Variants in LOC400499 observed in about 807,000 individuals in gnomAD.
At chr16:11,455,741 GAA>G in the LOC400499 span, among the ~76,000 whole-genome samples, 1 of 131,746 alleles carries the variant, frequency 7.6e-6, no homozygotes, top group African/African-American at 2.8e-5. Context: ...TCTCAAAAAA[GAA>G]AAAAAAAAAA....
the LOC400499 span, among the ~76,000 whole-genome samples, chr16:11,441,570 G>C: frequency 6.6e-6 from 1 of 152,208 alleles, no homozygotes; most frequent in East Asian, 1.9e-4. Context: ...CTGTCAATAT[G>C]TGACCTTTCA....
At chr16:11,433,901 C>T in the LOC400499 span, among the ~76,000 whole-genome samples, 1 of 152,152 alleles carries the variant, frequency 6.6e-6, no homozygotes, top group South Asian at 2.1e-4. Context: ...AAATCATATC[C>T]TCTATAATCA....
chr16:11,518,788 T>C, the LOC400499 span: 1 of 397,898 alleles, frequency 2.5e-6, no homozygotes, highest in Non-Finnish European at 4.4e-6. Context: ...TAACCAATTG[T>C]CCTAATCTAA....
At chr16:11,506,998 T>A in the LOC400499 span, among the ~76,000 whole-genome samples, 1 of 152,154 alleles carries the variant, frequency 6.6e-6, no homozygotes, top group Non-Finnish European at 1.5e-5. Flanking sequence ...ACTTCCTTTT[T>A]TTCAATGCTG....
At chr16:11,474,217 C>G in the LOC400499 span, among the ~76,000 whole-genome samples, 1 of 152,194 alleles carries the variant, frequency 6.6e-6, no homozygotes, top group Non-Finnish European at 1.5e-5. Flanking sequence ...CTCAGCTCTG[C>G]TGTTGTGGGA....
the LOC400499 span, among the ~76,000 whole-genome samples, chr16:11,379,027 G>C: frequency 6.6e-6 from 1 of 152,180 alleles, no homozygotes. Context: ...ACTTTAGGAG[G>C]CCAAGATGGG....
chr16:11,433,168 C>A, the LOC400499 span, among the ~76,000 whole-genome samples: 2 of 152,194 alleles, frequency 1.3e-5, no homozygotes, highest in Non-Finnish European at 2.9e-5. Flanking sequence ...GCCCACAAAG[C>A]TGAAAATATT....
the LOC400499 span, among the ~76,000 whole-genome samples, chr16:11,454,511 A>G: frequency 0.19 from 29,566 of 152,160 alleles, 4,722 homozygotes; most frequent in African/African-American, 0.41. Flanking sequence ...AGAATGCCAC[A>G]TGACAAAAGA....
chr16:11,382,144 G>C, the LOC400499 span, among the ~76,000 whole-genome samples: 1 of 151,374 alleles, frequency 6.6e-6, no homozygotes, highest in Admixed American at 6.6e-5. Context: ...CGCCATGTTG[G>C]CCAGGCTGGT....
At chr16:11,429,859 T>C in the LOC400499 span, among the ~76,000 whole-genome samples, 6 of 151,866 alleles carry the variant, frequency 4.0e-5, no homozygotes, top group Admixed American at 6.6e-5. Flanking sequence ...CAGACAAGCA[T>C]CATCAGTGGG....
the LOC400499 span, among the ~76,000 whole-genome samples, chr16:11,383,447 A>G: frequency 7.1e-4 from 108 of 152,202 alleles, no homozygotes; most frequent in African/African-American, 2.6e-3. Flanking sequence ...GGAGGGCACT[A>G]GGCCATCCAT....
At chr16:11,385,531 G>A in the LOC400499 span, 3 of 662,274 alleles carry the variant, frequency 4.5e-6, no homozygotes. Context: ...AGCCTGCCCT[G>A]AGGCCTGGAT....
chr16:11,462,499 G>A, the LOC400499 span: 1 of 923,578 alleles, frequency 1.1e-6, no homozygotes. Flanking sequence ...GTGGAATCCT[G>A]GCTCGCTGCA....
At chr16:11,382,881 G>T in the LOC400499 span, among the ~76,000 whole-genome samples, 370 of 152,192 alleles carry the variant, frequency 2.4e-3, no homozygotes, top group African/African-American at 8.3e-3. Flanking sequence ...AGCTTAGTAG[G>T]GGGTAGGGAA....
At chr16:11,399,904 G>A in the LOC400499 span, 1 of 398,200 alleles carries the variant, frequency 2.5e-6, no homozygotes, top group African/African-American at 2.1e-5. Context: ...CATCTCTGTT[G>A]GGAAATGAGA....
At chr16:11,476,074 C>G in the LOC400499 span, among the ~76,000 whole-genome samples, 9 of 150,800 alleles carry the variant, frequency 6.0e-5, no homozygotes, top group Non-Finnish European at 8.8e-5. Context: ...GAGGGCACAG[C>G]AGGTGCAAAG....
the LOC400499 span, among the ~76,000 whole-genome samples, chr16:11,386,649 T>C: frequency 1.1e-4 from 16 of 152,152 alleles, no homozygotes; most frequent in Non-Finnish European, 1.3e-4. Flanking sequence ...GTGGAGCAAA[T>C]AGAGTCCCAC....
At chr16:11,512,145 G>A in the LOC400499 span, among the ~76,000 whole-genome samples, 6 of 152,088 alleles carry the variant, frequency 3.9e-5, no homozygotes, top group Admixed American at 2.0e-4. Context: ...AGCTGTGCAT[G>A]GTGGCACATG....
the LOC400499 span, among the ~76,000 whole-genome samples, chr16:11,385,740 A>G: frequency 6.6e-6 from 1 of 152,254 alleles, no homozygotes; most frequent in Non-Finnish European, 1.5e-5. Flanking sequence ...AAATGTCCAG[A>G]GCAGGCACAG....
Sources: allele counts gnomAD v4.1 joint callset (sites outside exome capture counted in the v4.1 genomes callset), GRCh38; gene constraint gnomAD v4.1.1; transcripts MANE v1.5.